The following LRIG1 variants were observed in gnomAD, a reference collection of about 807,000 sequenced individuals.
The protein encoded by LRIG1 is leucine-rich repeats and immunoglobulin-like domains protein 1.
Under a neutral mutation model 99.2 loss-of-function variants are expected in LRIG1, and 48 were observed. The observed-to-expected ratio is 0.48, with a 90% confidence interval of 0.38 to 0.62. The LOEUF (loss-of-function observed/expected upper bound fraction) is 0.62, where lower values mean the gene tolerates loss of function less well. Ranked by LOEUF, LRIG1 falls within the 20% of genes least tolerant of loss-of-function variation. LRIG1 has a pLI of 0.00. For synonymous variants in LRIG1, 772 were observed against 596.1 expected, an observed-to-expected ratio of 1.29 and a Z score of -4.30; for missense variants, 1,646 against 1,434.4, an observed-to-expected ratio of 1.15 and a Z score of -2.38.
chr3:66,419,150 C>T (rs914441324), intron 3 of LRIG1, among the ~76,000 whole-genome samples: 6 of 152,082 alleles, frequency 3.9e-5, no homozygotes, highest in African/African-American at 9.7e-5. Context: ...AAGGGCCGGG[C>T]GCCACCGGCC....
At chr3:66,451,674 A>C in intron 2 of LRIG1, 41 bp from the exon 3 acceptor site, 1 of 1,466,114 alleles carries the variant, frequency 6.8e-7, no homozygotes, top group Non-Finnish European at 9.6e-7. Context: ...AGGCATTTGA[A>C]TTAGTCTGAA....
chr3:66,492,426 A>G (rs1012299124), intron 1 of LRIG1, among the ~76,000 whole-genome samples: 1 of 152,104 alleles, frequency 6.6e-6, no homozygotes, highest in Non-Finnish European at 1.5e-5. Flanking sequence ...TTTTTTTTCT[A>G]ATCAGCTAAA....
chr3:66,404,396 G>T, intron 9 of LRIG1: 1 of 1,252,710 alleles, frequency 8.0e-7, no homozygotes, highest in Middle Eastern at 2.5e-4. Context: ...CGAGCTGCTA[G>T]TAAACAGTAA....
chr3:66,484,198 T>A (rs1700916312), intron 1 of LRIG1, among the ~76,000 whole-genome samples: 2 of 151,690 alleles, frequency 1.3e-5, no homozygotes, highest in African/African-American at 4.8e-5. Flanking sequence ...GCCTGGGAGG[T>A]CTGAATTATT....
chr3:66,382,128 C>T (rs185087240), intron 16 of LRIG1, 145 bp downstream of exon 16: 10 of 884,282 alleles, frequency 1.1e-5, no homozygotes, highest in African/African-American at 1.0e-4. Context: ...TCCAAAATAG[C>T]AGCCCTTAGT....
At chr3:66,425,451 T>C (rs1452863904) in intron 3 of LRIG1, among the ~76,000 whole-genome samples, 3 of 152,348 alleles carry the variant, frequency 2.0e-5, no homozygotes, top group Admixed American at 1.3e-4. Flanking sequence ...ACTTTGAATG[T>C]TCTGGATGGA....
intron 2 of LRIG1, among the ~76,000 whole-genome samples, chr3:66,454,177 T>G (rs1488732442): frequency 6.6e-6 from 1 of 152,142 alleles, no homozygotes; most frequent in Non-Finnish European, 1.5e-5. Flanking sequence ...TCCAGATCAT[T>G]TCTACTGAAA....
chr3:66,416,667 T>C (rs1702624230), intron 4 of LRIG1, among the ~76,000 whole-genome samples: 1 of 152,120 alleles, frequency 6.6e-6, no homozygotes. Context: ...ACAAACCCAA[T>C]GACTTGTTTT....
intron 3 of LRIG1, among the ~76,000 whole-genome samples, chr3:66,435,189 G>C (rs1001323636): frequency 2.0e-5 from 3 of 152,108 alleles, no homozygotes; most frequent in African/African-American, 7.2e-5. Flanking sequence ...AATCCCAAAA[G>C]GTTATCCATA....
At chr3:66,403,428 A>G (rs1470904575) in intron 9 of LRIG1, among the ~76,000 whole-genome samples, 1 of 152,086 alleles carries the variant, frequency 6.6e-6, no homozygotes, top group African/African-American at 2.4e-5. Context: ...TCCAGCCCCA[A>G]GATGCTGACT....
chr3:66,443,353 G>C (rs796568275), intron 3 of LRIG1, among the ~76,000 whole-genome samples: 1 of 146,870 alleles, frequency 6.8e-6, no homozygotes, highest in Non-Finnish European at 1.5e-5. Context: ...GTGAGGGGGC[G>C]GGGGATGAGT....
At chr3:66,401,981 C>G (rs1003817641) in intron 9 of LRIG1, among the ~76,000 whole-genome samples, 3 of 152,126 alleles carry the variant, frequency 2.0e-5, no homozygotes, top group Admixed American at 2.0e-4. Context: ...CACTAGCCCC[C>G]GCTTCCCACC....
intron 4 of LRIG1, 60 bp downstream of exon 4, chr3:66,417,069 A>G (rs1702636313): frequency 6.3e-7 from 1 of 1,595,078 alleles, no homozygotes; most frequent in African/African-American, 1.3e-5. Context: ...GGTGCCGGTG[A>G]AGCTGTTAGC....
At chr3:66,461,670 G>C (rs975741804) in intron 2 of LRIG1, among the ~76,000 whole-genome samples, 4 of 152,286 alleles carry the variant, frequency 2.6e-5, no homozygotes, top group African/African-American at 9.6e-5. Context: ...CGTTTCTGTA[G>C]TTGCCAATTT....
intron 3 of LRIG1, among the ~76,000 whole-genome samples, chr3:66,422,741 ACT>A (rs1466927746): frequency 6.6e-6 from 1 of 152,168 alleles, no homozygotes; most frequent in Non-Finnish European, 1.5e-5. Flanking sequence ...GTCCCACTCT[ACT>A]GGTACCAATT....
intron 1 of LRIG1, among the ~76,000 whole-genome samples, chr3:66,463,289 A>G (rs1700398297): frequency 6.6e-6 from 1 of 152,218 alleles, no homozygotes; most frequent in Non-Finnish European, 1.5e-5. Flanking sequence ...TTATGAACAC[A>G]GTATTCCCAC....
chr3:66,406,307 G>A (rs1225351197), intron 8 of LRIG1: 10 of 985,480 alleles, frequency 1.0e-5, no homozygotes, highest in African/African-American at 1.7e-5. Context: ...ACCCGGGGCT[G>A]TGGCTTTGTG....
chr3:66,379,211 C>G lies in LRIG1; in HGVS notation c.*1052G>C, dbSNP rs1442462995. The G allele has an allele frequency of 1.3e-5, 2 of 152,630 alleles. No individual in the cohort carries two copies. The highest frequency in any genetic ancestry group is 2.9e-5 in the Non-Finnish European group (2 of 68,040). The allele number at this position is 152,630 out of a possible 1,614,324, so 9.5% of individuals were successfully genotyped here. ...TCAAAAGTGCAAATTATACCCAGAACCCAGGTCAAGGGCTGTCCTTTCCAG... is the reference window on the plus strand; with the variant it reads ...TCAAAAGTGCAAATTATACCCAGAAGCCAGGTCAAGGGCTGTCCTTTCCAG... On this transcript the variant is annotated 3_prime_UTR_variant, in exon 19 of 19. Coordinates refer to ENST00000273261, the MANE Select transcript of LRIG1 (RefSeq NM_015541.3).
chr3:66,418,759 A>G (rs535152951), intron 3 of LRIG1, among the ~76,000 whole-genome samples: 2 of 152,314 alleles, frequency 1.3e-5, no homozygotes, highest in South Asian at 2.1e-4. Flanking sequence ...TCCAACAGGC[A>G]TAAACAAGGA....
Sources: allele counts gnomAD v4.1 joint callset (sites outside exome capture counted in the v4.1 genomes callset), GRCh38; gene constraint gnomAD v4.1.1; transcripts MANE v1.5; gene names NCBI Gene and HGNC (gene_info 2026-07-23, HGNC 2026-07-21).